GATA4: variants seen among roughly 807,000 people sequenced by gnomAD.
GATA4 encodes the protein transcription factor GATA-4.
Under a neutral mutation model 37.9 loss-of-function variants are expected in GATA4, and 7 were observed. That is an observed-to-expected ratio of 0.18 (90% CI 0.11 to 0.35). The LOEUF (loss-of-function observed/expected upper bound fraction) is 0.35. Among genes scored for constraint, GATA4 ranks in the 10% least tolerant of loss-of-function variants. The pLI is 1.00. For synonymous variants in GATA4, 372 were observed against 292.6 expected, an observed-to-expected ratio of 1.27 and a Z score of -2.77; for missense variants, 647 against 653.0, an observed-to-expected ratio of 0.99 and a Z score of 0.10.
chr8:11,700,072 G>C (rs571289439), upstream of GATA4, among the ~76,000 whole-genome samples: 5 of 152,294 alleles, frequency 3.3e-5, no homozygotes, highest in African/African-American at 1.2e-4. Context: ...CCATGTGCTG[G>C]TTTCTAAGGT....
chr8:11,722,935 G>A (rs1405240983), intron 2 of GATA4, among the ~76,000 whole-genome samples: 1 of 152,190 alleles, frequency 6.6e-6, no homozygotes, highest in Non-Finnish European at 1.5e-5. Flanking sequence ...TCTAGGAAAG[G>A]CAGGATACAT....
chr8:11,708,195 T>A lies in GATA4; in HGVS notation c.-118T>A, dbSNP rs1218164943. ...TGGTTTTTTCCCCTTTGATTTTTGA[T>A]CTTCGCGACAGTTCCTCCCACGCAT... On this transcript the variant is annotated 5_prime_UTR_variant, in exon 2 of 7. Coordinates refer to ENST00000532059, the MANE Select transcript of GATA4 (RefSeq NM_001308093.3). The surrounding 1 kb of genome is among the most constrained non-coding windows in gnomAD (Gnocchi z 6.7). 3 of 1,169,644 alleles carry A rather than the reference T, an allele frequency of 2.6e-6. No individual in the cohort carries two copies. Among genetic ancestry groups the A allele is most frequent in the Non-Finnish European group, 3.7e-6 (3 of 815,066 alleles). 72.5% of individuals were successfully genotyped at this position (1,169,644 alleles called of 1,614,324 possible). A position where few individuals can be genotyped will look rare whatever the true frequency, so the allele number is the denominator to read the frequency against.
intron 1 of GATA4, among the ~76,000 whole-genome samples, chr8:11,706,584 A>G (rs1439776797): frequency 6.6e-6 from 1 of 152,210 alleles, no homozygotes; most frequent in Admixed American, 6.5e-5. Context: ...AATTTGTCTA[A>G]AGGTGTTTAT....
chr8:11,718,515 T>A (rs1334579059), intron 2 of GATA4, among the ~76,000 whole-genome samples: 5 of 152,218 alleles, frequency 3.3e-5, no homozygotes, highest in Admixed American at 1.3e-4. Flanking sequence ...ATTGAATAGT[T>A]ACAGATATAT....
intron 1 of GATA4, chr8:11,705,941 T>G (rs929952681): frequency 1.9e-4 from 29 of 152,228 alleles, no homozygotes; most frequent in African/African-American, 6.8e-4. Flanking sequence ...TTACATTATC[T>G]TGAAGAACTG....
At chr8:11,716,256 GT>G (rs1235957529) in intron 2 of GATA4, among the ~76,000 whole-genome samples, 1 of 151,596 alleles carries the variant, frequency 6.6e-6, no homozygotes, top group Non-Finnish European at 1.5e-5. Flanking sequence ...AACTAATTAA[GT>G]TTTAAAAAAC....
At position 11,709,575 on chromosome 8, in the gene GATA4, C is replaced by CGGGGGGGGGCG. The variant is rs1554488884; in HGVS notation, c.616+656_616+657insCGGGGGGGGGG. On this transcript the variant is annotated intron_variant, in intron 2 of 6. Coordinates refer to ENST00000532059, the MANE Select transcript of GATA4 (RefSeq NM_001308093.3). The surrounding 1 kb of genome is among the most constrained non-coding windows in gnomAD (Gnocchi z 4.3). Reference sequence around the variant, plus strand: ...GCGCGTGGGCGCATCATGCGGGCAGCGGGGGGGGGGGCGCACACGCCCGGT... The same window carrying CGGGGGGGGGCG: ...GCGCGTGGGCGCATCATGCGGGCAGCGGGGGGGGGCGGGGGGGGGGGGCGCACACGCCCGGT... Among the ~76,000 whole-genome samples the CGGGGGGGGGCG allele has an allele frequency of 1.1e-5, 1 of 93,864 alleles. No individual in the cohort carries two copies. Among genetic ancestry groups the CGGGGGGGGGCG allele is most frequent in the African/African-American group, 6.8e-5 (1 of 14,604 alleles). The allele number at this position is 93,864 out of a possible 152,430, so 61.6% of individuals were successfully genotyped here. A position where few individuals can be genotyped will look rare whatever the true frequency, so the allele number is the denominator to read the frequency against.
At chr8:11,732,978 TG>T (rs1223551863) in intron 2 of GATA4, among the ~76,000 whole-genome samples, 1 of 152,114 alleles carries the variant, frequency 6.6e-6, no homozygotes, top group African/African-American at 2.4e-5. Context: ...CCATCACATG[TG>T]GGTTAGGGTT....
At chr8:11,741,048 A>G (rs1420466830) in intron 2 of GATA4, among the ~76,000 whole-genome samples, 1 of 152,050 alleles carries the variant, frequency 6.6e-6, no homozygotes, top group East Asian at 1.9e-4. Context: ...GCCTGTTTTT[A>G]AAATGGTATC....
chr8:11,742,750 C>T (rs1801812608), intron 2 of GATA4, among the ~76,000 whole-genome samples: 1 of 152,278 alleles, frequency 6.6e-6, no homozygotes, highest in African/African-American at 2.4e-5. Flanking sequence ...AGGAAAACCT[C>T]AGGCTTTGTT....
At chr8:11,681,007 C>G (rs1193401297) in intron 1 of GATA4, 2 of 943,000 alleles carry the variant, frequency 2.1e-6, no homozygotes, top group African/African-American at 1.8e-5. Flanking sequence ...CCCGCACCCC[C>G]GAATCCCATA....
At chr8:11,693,840 GT>G (rs1377188428) in intron 1 of GATA4, among the ~76,000 whole-genome samples, 3 of 152,222 alleles carry the variant, frequency 2.0e-5, no homozygotes, top group Non-Finnish European at 4.4e-5. Context: ...GGTTATGGGT[GT>G]GGGTGTCAGT....
chr8:11,725,654 C>T (rs1800885239), intron 2 of GATA4, among the ~76,000 whole-genome samples: 1 of 152,234 alleles, frequency 6.6e-6, no homozygotes, highest in South Asian at 2.1e-4. Flanking sequence ...TCGCTCTTCA[C>T]TCTGGAGGTC....
chr8:11,749,212 C>T lies in GATA4; in HGVS notation c.786+127C>T, dbSNP rs1460229122. 2 of 894,920 alleles carry T rather than the reference C, an allele frequency of 2.2e-6. No homozygotes were observed. Among genetic ancestry groups the T allele is most frequent in the Non-Finnish European group, 3.5e-6 (2 of 570,120 alleles). 55.4% of individuals were successfully genotyped at this position (894,920 alleles called of 1,614,324 possible). ...TCGGGGATTACGTGGGTGAGAGCCC[C>T]ATAATAATTCTCACAACTTTAGAGT... On this transcript the variant is annotated intron_variant, in intron 3 of 6. Coordinates refer to ENST00000532059, the MANE Select transcript of GATA4 (RefSeq NM_001308093.3). The surrounding 1 kb of genome is among the most constrained non-coding windows in gnomAD (Gnocchi z 4.6).
chr8:11,708,244 C>A lies in GATA4; in HGVS notation c.-69C>A. 9 of 1,513,672 alleles carry A rather than the reference C, an allele frequency of 5.9e-6. No individual in the cohort carries two copies. Among genetic ancestry groups the A allele is most frequent in the Admixed American group, 3.9e-5 (2 of 51,036 alleles). 93.8% of individuals were successfully genotyped at this position (1,513,672 alleles called of 1,614,324 possible). ...ATATTATCGTTGTTGCCGTCGTTTT[C>A]TCTCCCCGCGTGGCTCCTTGACCTG... On this transcript the variant is annotated 5_prime_UTR_variant, in exon 2 of 7. Coordinates refer to ENST00000532059, the MANE Select transcript of GATA4 (RefSeq NM_001308093.3). This position sits in a 1 kb window ranked among gnomAD's most constrained non-coding sequence, Gnocchi z 6.7.
Position 11,708,378 on chromosome 8 carries a change from C to T in GATA4, c.66C>T (p.Gly22=). The T allele has an allele frequency of 6.4e-7, 1 of 1,555,440 alleles. No homozygotes were observed. The highest frequency in any genetic ancestry group is 1.3e-5 in the African/African-American group (1 of 74,204). ...CCCCCGGTGCCTACGAGGCGGGCGG[C>T]CCCGGCGCCTTCATGCACGGCGCGG... ...GPPPGAYEAG[G]PGAFMHGAGA... The change falls in exon 2 of 7, where the codon GGC becomes GGT. Residue 22 remains glycine, a synonymous_variant. Transcript: ENST00000532059. This position sits in a 1 kb window ranked among gnomAD's most constrained non-coding sequence, Gnocchi z 6.7.
intron 2 of GATA4, among the ~76,000 whole-genome samples, chr8:11,710,970 G>C (rs1370311864): frequency 4.0e-5 from 6 of 151,894 alleles, no homozygotes; most frequent in South Asian, 4.1e-4. Context: ...AATTAGCTGG[G>C]TTTGGTGGTG....
chr8:11,727,671 T>C (rs1021705659), intron 2 of GATA4, among the ~76,000 whole-genome samples: 7 of 151,998 alleles, frequency 4.6e-5, no homozygotes, highest in Non-Finnish European at 1.0e-4. Flanking sequence ...GATGAAACCC[T>C]GTCTCTACTA....
chr8:11,731,007 C>T (rs1317753761), intron 2 of GATA4, among the ~76,000 whole-genome samples: 2 of 152,252 alleles, frequency 1.3e-5, no homozygotes, highest in Admixed American at 1.3e-4. Context: ...GGCAGTCTTC[C>T]TTCCCTCTCC....
Sources: allele counts gnomAD v4.1 joint callset (sites outside exome capture counted in the v4.1 genomes callset), GRCh38; gene constraint gnomAD v4.1.1; non-coding constraint Gnocchi (gnomAD v3.1); transcripts MANE v1.5; gene names NCBI Gene and HGNC (gene_info 2026-07-23, HGNC 2026-07-21).